The following PXDNL variants were observed in gnomAD, a reference collection of about 807,000 sequenced individuals.
The protein encoded by PXDNL is probable oxidoreductase PXDNL.
Under a neutral mutation model 150.8 loss-of-function variants are expected in PXDNL, and 145 were observed. The observed-to-expected ratio is 0.96, with a 90% CI of 0.84 to 1.10. The LOEUF (loss-of-function observed/expected upper bound fraction) is 1.10, where lower values mean the gene tolerates loss of function less well. Ranked by LOEUF, PXDNL falls within the 50% of genes least tolerant of loss-of-function variation. The pLI, the probability that PXDNL is intolerant of heterozygous loss-of-function variation, is 0.00. For missense variants in PXDNL, 2,087 were observed against 1,873.9 expected (o/e 1.11, Z -2.10); for synonymous variants, 757 against 725.7 (o/e 1.04, Z -0.69).
At chr8:51,787,101 A>AAG (rs2037467503) in intron 1 of PXDNL, among the ~76,000 whole-genome samples, 1 of 12 alleles carries the variant, frequency 0.083, no homozygotes, top group Admixed American at 0.5. Context: ...TACTTCCCAG[A>AAG]AAAAAAAAAA....
chr8:51,518,825 G>T (rs1401031834), intron 4 of PXDNL, among the ~76,000 whole-genome samples: 1 of 152,100 alleles, frequency 6.6e-6, no homozygotes, highest in Non-Finnish European at 1.5e-5. Context: ...GAATGGGCTC[G>T]ATAGGAGAAA....
intron 1 of PXDNL, among the ~76,000 whole-genome samples, chr8:51,690,543 C>A (rs2130861783): frequency 6.6e-6 from 1 of 151,824 alleles, no homozygotes. Flanking sequence ...TGTATATGTG[C>A]CACATTTTCT....
intron 21 of PXDNL, among the ~76,000 whole-genome samples, chr8:51,338,009 T>C (rs1044824971): frequency 6.6e-6 from 1 of 151,418 alleles, no homozygotes; most frequent in African/African-American, 2.4e-5. Context: ...CAAAACCCCA[T>C]CTCTACTAAA....
At chr8:51,363,515 G>T (rs1164206479) in intron 19 of PXDNL, among the ~76,000 whole-genome samples, 1 of 152,052 alleles carries the variant, frequency 6.6e-6, no homozygotes, top group Non-Finnish European at 1.5e-5. Context: ...GTACATGACT[G>T]GGGGCTGCAT....
At chr8:51,439,779 C>A (rs1015888845) in intron 12 of PXDNL, among the ~76,000 whole-genome samples, 1 of 146,374 alleles carries the variant, frequency 6.8e-6, no homozygotes. Context: ...AAGCCAAGAT[C>A]GCACCACTGC....
At chr8:51,501,600 TCA>T (rs911833272) in intron 4 of PXDNL, among the ~76,000 whole-genome samples, 15 of 151,474 alleles carry the variant, frequency 9.9e-5, no homozygotes, top group African/African-American at 3.6e-4. Flanking sequence ...TCACCTAATC[TCA>T]CACACTCACA....
Position 51,349,004 on chromosome 8 carries a change from A to T in PXDNL, c.3902-3057T>A, listed in dbSNP as rs577591848. 6.9e-4 allele frequency among the ~76,000 whole-genome samples: 105 copies of T among 152,362 alleles called. 1 individual carries two copies. In the South Asian group the frequency reaches 0.021, roughly 30 times the overall value. On this transcript the variant is annotated intron_variant, in intron 19 of 22. Coordinates refer to ENST00000356297, the MANE Select transcript of PXDNL (RefSeq NM_144651.5). ...ATGGATGGATGAGTCTAGTGTGGAAAGTAAAATGAAATGACTTAAATTTAG... is the reference window on the plus strand; with the variant it reads ...ATGGATGGATGAGTCTAGTGTGGAATGTAAAATGAAATGACTTAAATTTAG...
At position 51,447,016 on chromosome 8, in the gene PXDNL, C is replaced by T; in HGVS notation, c.1513G>A (p.Val505Ile). ...CAGTATATATTACCTTTGGGTTTTACAGTCAGCTGCACAGACACCTTTTTC... is the reference window on the plus strand; with the variant it reads ...CAGTATATATTACCTTTGGGTTTTATAGTCAGCTGCACAGACACCTTTTTC... ...GVKKVSVQLT[V>I]KPKALAVFTQ... The change falls in exon 12 of 23, where the codon GTA becomes ATA. Residue 505 changes from valine (V) to isoleucine (I), a missense_variant. By Grantham distance (29) the Val-to-Ile change is conservative. Coordinates refer to ENST00000356297, the MANE Select transcript of PXDNL (RefSeq NM_144651.5). The T allele has an allele frequency of 3.7e-6, 6 of 1,613,890 alleles. No individual in the cohort carries two copies. The highest frequency in any genetic ancestry group is 4.5e-5 in the East Asian group (2 of 44,874).
intron 1 of PXDNL, among the ~76,000 whole-genome samples, chr8:51,766,846 T>A (rs779499560): frequency 6.6e-5 from 10 of 152,130 alleles, no homozygotes; most frequent in Non-Finnish European, 1.5e-4. Flanking sequence ...ATGTGTATAA[T>A]TGTTTTCCAT....
At chr8:51,495,855 G>A (rs1811034224) in intron 5 of PXDNL, among the ~76,000 whole-genome samples, 1 of 151,712 alleles carries the variant, frequency 6.6e-6, no homozygotes, top group Admixed American at 6.6e-5. Flanking sequence ...AGAGGTACCA[G>A]GAGGAGCTGG....
intron 3 of PXDNL, among the ~76,000 whole-genome samples, chr8:51,563,865 C>T (rs934528175): frequency 6.6e-6 from 1 of 151,888 alleles, no homozygotes; most frequent in African/African-American, 2.4e-5. Flanking sequence ...AGCAATGTAA[C>T]TTTCTATTAT....
intron 17 of PXDNL, among the ~76,000 whole-genome samples, chr8:51,397,173 A>C (rs1186201708): frequency 6.6e-6 from 1 of 152,262 alleles, no homozygotes; most frequent in Non-Finnish European, 1.5e-5. Context: ...CCATTCTTGT[A>C]CTTATGAAAT....
chr8:51,330,321 A>G (rs1805644176), intron 21 of PXDNL, among the ~76,000 whole-genome samples: 1 of 152,220 alleles, frequency 6.6e-6, no homozygotes, highest in African/African-American at 2.4e-5. Flanking sequence ...GTAACTTCCC[A>G]AACTAAAATG....
At chr8:51,808,943 T>C (rs2037706344) in intron 1 of PXDNL, among the ~76,000 whole-genome samples, 1 of 152,202 alleles carries the variant, frequency 6.6e-6, no homozygotes, top group Non-Finnish European at 1.5e-5. Flanking sequence ...TGCTAAGTTC[T>C]GGAAGATGCT....
chr8:51,403,507 G>A lies in PXDNL; in HGVS notation c.3557+4560C>T, dbSNP rs953773588. Among the ~76,000 whole-genome samples, 4 of 152,200 alleles carry A rather than the reference G, an allele frequency of 2.6e-5. No homozygotes were observed. The East Asian group carries it at 7.7e-4, about 29-fold the overall frequency. ...TCCCTGGCGCATCTTAATGTTTTGGGGGTGAGATGAGTCCGATGCTAATTC... is the reference window on the plus strand; with the variant it reads ...TCCCTGGCGCATCTTAATGTTTTGGAGGTGAGATGAGTCCGATGCTAATTC... On this transcript the variant is annotated intron_variant, in intron 17 of 22. Coordinates refer to ENST00000356297, the MANE Select transcript of PXDNL (RefSeq NM_144651.5).
intron 1 of PXDNL, among the ~76,000 whole-genome samples, chr8:51,766,523 C>T (rs376789430): frequency 9.9e-5 from 15 of 152,170 alleles, no homozygotes; most frequent in South Asian, 8.3e-4. Flanking sequence ...AGCAGGTCTG[C>T]TAGTGATTAA....
intron 19 of PXDNL, among the ~76,000 whole-genome samples, chr8:51,358,808 G>A (rs1806607847): frequency 6.6e-6 from 1 of 152,178 alleles, no homozygotes; most frequent in Non-Finnish European, 1.5e-5. Flanking sequence ...TAGGAATATA[G>A]AGGCCACAGT....
intron 21 of PXDNL, among the ~76,000 whole-genome samples, chr8:51,326,613 CA>C (rs991306019): frequency 6.6e-6 from 1 of 152,170 alleles, no homozygotes; most frequent in Admixed American, 6.5e-5. Flanking sequence ...TTAATTTATT[CA>C]AACTATTGCA....
chr8:51,483,529 G>A (rs1810651224), intron 6 of PXDNL, 114 bp downstream of exon 6: 1 of 708,262 alleles, frequency 1.4e-6, no homozygotes, highest in Admixed American at 2.6e-5. Flanking sequence ...TAACATGCTA[G>A]AATTGCAATG....
Sources: gnomAD v4.1 joint callset for allele counts (sites outside exome capture counted in the v4.1 genomes callset) on GRCh38, gnomAD v4.1.1 for gene constraint, MANE v1.5 for transcripts, NCBI Gene and HGNC (gene_info 2026-07-23, HGNC 2026-07-21) for gene names.